The following ADRA1A variants were observed in gnomAD, a reference collection of about 807,000 sequenced individuals.
ADRA1A encodes the protein alpha-1A adrenergic receptor.
A neutral mutation model predicts 29.6 loss-of-function variants in ADRA1A; 31 were observed. That is an observed-to-expected ratio of 1.05 (90% confidence interval 0.79 to 1.41). The LOEUF is 1.41. Ranked by LOEUF, ADRA1A falls within the 40% of genes most tolerant of loss-of-function variation. The probability of loss-of-function intolerance (pLI) is 0.00; values close to 1 mark genes in which losing one functional copy is unlikely to be tolerated. For missense variants in ADRA1A, 619 were observed against 601.1 expected (o/e 1.03, Z -0.31); for synonymous variants, 311 against 254.3 (o/e 1.22, Z -2.12).
At chr8:26,804,763 A>T (rs1346655136) in intron 2 of ADRA1A, among the ~76,000 whole-genome samples, 4 of 152,234 alleles carry the variant, frequency 2.6e-5, no homozygotes. Context: ...TTGGAAGAAC[A>T]TATGATGCTT....
chr8:26,855,347 T>G (rs903879734), intron 2 of ADRA1A, among the ~76,000 whole-genome samples: 1 of 151,776 alleles, frequency 6.6e-6, no homozygotes, highest in Non-Finnish European at 1.5e-5. Flanking sequence ...GTGAGAAGAC[T>G]GGCAACCCAG....
chr8:26,849,792 G>A (rs372885655), intron 2 of ADRA1A, among the ~76,000 whole-genome samples: 33 of 152,164 alleles, frequency 2.2e-4, no homozygotes, highest in African/African-American at 7.7e-4. Flanking sequence ...ATGGTGATGC[G>A]GAGGATGATC....
chr8:26,763,145 T>C (rs1420316228), downstream of ADRA1A, among the ~76,000 whole-genome samples: 2 of 152,126 alleles, frequency 1.3e-5, no homozygotes, highest in East Asian at 3.9e-4. The surrounding 1 kb of genome is among the most constrained non-coding windows in gnomAD (Gnocchi z 4.5). Flanking sequence ...ATGCCCCTCA[T>C]ACCCAGCATG....
At chr8:26,816,819 G>C (rs1563276024) in intron 2 of ADRA1A, among the ~76,000 whole-genome samples, 1 of 152,160 alleles carries the variant, frequency 6.6e-6, no homozygotes, top group East Asian at 1.9e-4. Context: ...TGGCATGCCA[G>C]CCCCCATCCT....
At chr8:26,803,238 T>A (rs192565744) in intron 2 of ADRA1A, among the ~76,000 whole-genome samples, 5 of 152,312 alleles carry the variant, frequency 3.3e-5, no homozygotes, top group African/African-American at 1.2e-4. Flanking sequence ...ACAATTGGAA[T>A]GTTTGTAAAA....
chr8:26,812,754 T>C (rs2130548407), intron 2 of ADRA1A, among the ~76,000 whole-genome samples: 1 of 152,010 alleles, frequency 6.6e-6, no homozygotes, highest in South Asian at 2.1e-4. Context: ...AAGCTCCGCC[T>C]CCCGGGTTCA....
At chr8:26,776,202 A>G (rs1806536514) in intron 2 of ADRA1A, among the ~76,000 whole-genome samples, 1 of 152,228 alleles carries the variant, frequency 6.6e-6, no homozygotes, top group Non-Finnish European at 1.5e-5. Flanking sequence ...TGGTGAGAGT[A>G]GGAACTGAGT....
At chr8:26,828,868 C>A (rs926007647) in intron 2 of ADRA1A, among the ~76,000 whole-genome samples, 3 of 152,104 alleles carry the variant, frequency 2.0e-5, no homozygotes, top group African/African-American at 7.2e-5. Context: ...TGGGTAAGAG[C>A]CCAGGACCTC....
chr8:26,861,323 T>TTA (rs71216784), intron 2 of ADRA1A, among the ~76,000 whole-genome samples: 1 of 148,450 alleles, frequency 6.7e-6, no homozygotes, highest in Non-Finnish European at 1.5e-5. Context: ...TTTTTTTTTT[T>TTA]AGATGGAGCC....
chr8:26,758,899 A>T (rs1488975836), intron 2 of ADRA1A, among the ~76,000 whole-genome samples: 6 of 151,722 alleles, frequency 4.0e-5, no homozygotes, highest in Non-Finnish European at 8.8e-5. Flanking sequence ...CTCTGGGAAA[A>T]TTTTTTTTTG....
intron 2 of ADRA1A, among the ~76,000 whole-genome samples, chr8:26,829,603 A>G (rs971404688): frequency 6.6e-6 from 1 of 152,192 alleles, no homozygotes; most frequent in Non-Finnish European, 1.5e-5. Flanking sequence ...ATAGTCGGTA[A>G]TATGATAATA....
chr8:26,756,337 G>T (rs933562974), downstream of ADRA1A: 5 of 850,284 alleles, frequency 5.9e-6, no homozygotes, highest in African/African-American at 1.8e-5. Flanking sequence ...ACCCATAAAA[G>T]TTCCCCTTTT....
At position 26,825,178 on chromosome 8, in the gene ADRA1A, C is replaced by T. The variant is rs1275576792; in HGVS notation, c.883+38909G>A. Reference sequence around the variant, plus strand: ...CCCACCCTGAGCTTGCTAGGCCTTCCAGGGCCTCGGTCCCCACATCTGTGT... The same window carrying T: ...CCCACCCTGAGCTTGCTAGGCCTTCTAGGGCCTCGGTCCCCACATCTGTGT... On this transcript the variant is annotated intron_variant, in intron 2 of 2. Coordinates refer to ENST00000380573, the MANE Select transcript of ADRA1A (RefSeq NM_000680.4). This position sits in a 1 kb window ranked among gnomAD's most constrained non-coding sequence, Gnocchi z 5.7. Among the ~76,000 whole-genome samples the T allele has an allele frequency of 2.0e-5, 3 of 152,204 alleles. No homozygotes were observed.
downstream of ADRA1A, among the ~76,000 whole-genome samples, chr8:26,754,068 C>T (rs974904036): frequency 6.6e-6 from 1 of 152,116 alleles, no homozygotes; most frequent in African/African-American, 2.4e-5. Context: ...ATAAAATCAA[C>T]GTGATTGTTT....
chr8:26,770,437 G>A lies in ADRA1A; in HGVS notation c.1113C>T (p.His371=). Residue 371 remains histidine, a synonymous_variant, in exon 3 of 3, where the codon CAC becomes CAT. Coordinates refer to ENST00000380573, the MANE Select transcript of ADRA1A (RefSeq NM_000680.4). ...CCACGGGGATGCGCACCATGTCCTT[G>A]TGTTGCCCTTCCACGGCCTGGCTGG... The part of the protein sequence containing the change: ...HPPSQAVEGQ[H]KDMVRIPVGS... 2 of 1,614,232 alleles carry A rather than the reference G, an allele frequency of 1.2e-6. No homozygotes were observed. The highest frequency in any genetic ancestry group is 1.7e-6 in the Non-Finnish European group (2 of 1,180,042).
chr8:26,757,086 G>T, intron 2 of ADRA1A: 1 of 702,666 alleles, frequency 1.4e-6, no homozygotes, highest in Non-Finnish European at 2.6e-6. Context: ...ACACCAATCC[G>T]TTCATCCTTG....
intron 2 of ADRA1A, among the ~76,000 whole-genome samples, chr8:26,857,834 T>A (rs1467124295): frequency 6.6e-6 from 1 of 152,224 alleles, no homozygotes; most frequent in Non-Finnish European, 1.5e-5. Flanking sequence ...TTTGGGATTA[T>A]CATATATCAT....
chr8:26,813,997 GC>G (rs1417933886), intron 2 of ADRA1A, among the ~76,000 whole-genome samples: 1 of 152,118 alleles, frequency 6.6e-6, no homozygotes, highest in East Asian at 1.9e-4. Flanking sequence ...GTAACTTGGG[GC>G]CCACAGATGT....
intron 2 of ADRA1A, among the ~76,000 whole-genome samples, chr8:26,811,342 G>A (rs1222400163): frequency 6.6e-6 from 1 of 152,136 alleles, no homozygotes; most frequent in Non-Finnish European, 1.5e-5. Context: ...ACAGGCGCCT[G>A]CCACCACCCT....
Sources: allele counts gnomAD v4.1 joint callset (sites outside exome capture counted in the v4.1 genomes callset), GRCh38; gene constraint gnomAD v4.1.1; non-coding constraint Gnocchi (gnomAD v3.1); transcripts MANE v1.5; gene names NCBI Gene and HGNC (gene_info 2026-07-23, HGNC 2026-07-21).